The following GALNT13 variants were observed in gnomAD, a reference collection of about 807,000 sequenced individuals.
The protein encoded by GALNT13 is polypeptide N-acetylgalactosaminyltransferase 13, also known as UDP-GalNAc:polypeptide N-acetylgalactosaminyltransferase 13.
Under a neutral mutation model 64.2 loss-of-function variants are expected in GALNT13, and 28 were observed. That is an observed-to-expected ratio of 0.44 (90% CI 0.32 to 0.60). GALNT13 has a LOEUF of 0.60. Among genes scored for constraint, GALNT13 ranks in the 20% least tolerant of loss-of-function variants. The pLI is 0.05. For missense variants in GALNT13, 577 were observed against 669.8 expected (o/e 0.86, Z 1.53); for synonymous variants, 214 against 224.6 (o/e 0.95, Z 0.42).
At chr2:153,162,553 CT>C in the GALNT13 span, among the ~76,000 whole-genome samples, 2 of 152,154 alleles carry the variant, frequency 1.3e-5, no homozygotes, top group Non-Finnish European at 1.5e-5. Flanking sequence ...GTCAGCCCCC[CT>C]GGGAAGAGTC....
intron 1 of GALNT13, among the ~76,000 whole-genome samples, chr2:153,897,045 G>A (rs1017578463): frequency 6.6e-6 from 1 of 152,078 alleles, no homozygotes; most frequent in East Asian, 1.9e-4. Flanking sequence ...GCATGCACAC[G>A]TGTAGACACA....
the GALNT13 span, among the ~76,000 whole-genome samples, chr2:153,166,753 A>T: frequency 6.6e-6 from 1 of 151,690 alleles, no homozygotes; most frequent in African/African-American, 2.4e-5. Flanking sequence ...TGGGCTGGGC[A>T]CTGTGGCCTT....
chr2:154,033,615 A>G (rs1698477944), intron 3 of GALNT13, among the ~76,000 whole-genome samples: 1 of 152,174 alleles, frequency 6.6e-6, no homozygotes, highest in Non-Finnish European at 1.5e-5. Context: ...AAAATGAGAT[A>G]CCACTACACA....
chr2:153,156,820 T>C, the GALNT13 span, among the ~76,000 whole-genome samples: 1 of 152,178 alleles, frequency 6.6e-6, no homozygotes, highest in Non-Finnish European at 1.5e-5. Flanking sequence ...TCTTTCTCAT[T>C]GCATGGAGGT....
At chr2:153,452,834 A>G in the GALNT13 span, among the ~76,000 whole-genome samples, 5 of 152,324 alleles carry the variant, frequency 3.3e-5, no homozygotes, top group East Asian at 3.9e-4. Flanking sequence ...CTAAGCAAAA[A>G]CAACAAAGCT....
intron 11 of GALNT13, chr2:154,437,024 T>TG (rs1701010432): frequency 6.6e-6 from 1 of 152,146 alleles, no homozygotes; most frequent in Admixed American, 6.6e-5. Context: ...TCCCAAGTAG[T>TG]GGGGACAACA....
chr2:153,933,303 G>A (rs1690663490), intron 2 of GALNT13, among the ~76,000 whole-genome samples: 1 of 152,042 alleles, frequency 6.6e-6, no homozygotes, highest in Admixed American at 6.6e-5. Flanking sequence ...CCCAGTGTTG[G>A]TTGCAAATAT....
At chr2:153,528,381 CAA>C in the GALNT13 span, among the ~76,000 whole-genome samples, 5 of 151,846 alleles carry the variant, frequency 3.3e-5, no homozygotes, top group African/African-American at 1.2e-4. Context: ...GAGGATATAA[CAA>C]ATTTTAGTAT....
rs116272195 is a variant in GALNT13 at position 154,282,513 on chromosome 2, T to C, written c.976-18896T>C. ...TAAAAAGACTAATCTAAATCATAAA[T>C]ATATGGCCAAAAACACAAAGCCATC... On this transcript the variant is annotated intron_variant, in intron 8 of 12. Coordinates refer to ENST00000392825, the MANE Select transcript of GALNT13 (RefSeq NM_052917.4). Among the ~76,000 whole-genome samples, 1,005 of 152,228 alleles carry C rather than the reference T, an allele frequency of 6.6e-3. 11 individuals are homozygous for C. Among genetic ancestry groups the C allele is most frequent in the African/African-American group, 0.023 (963 of 41,548 alleles).
At chr2:154,211,651 A>AAAAAAAG (rs1687777905) in intron 4 of GALNT13, among the ~76,000 whole-genome samples, 2 of 147,800 alleles carry the variant, frequency 1.4e-5, no homozygotes, top group African/African-American at 5.1e-5. Context: ...AAAAAAAAAA[A>AAAAAAAG]AAAAGAAAAG....
the GALNT13 span, among the ~76,000 whole-genome samples, chr2:153,394,370 C>T: frequency 6.6e-6 from 1 of 152,082 alleles, no homozygotes; most frequent in Non-Finnish European, 1.5e-5. Flanking sequence ...TGCTTAATAC[C>T]ATTTTAAACC....
In GALNT13 at chr2:154,306,268, G is replaced by A. The variant is rs148702585; in HGVS notation, c.1156+4679G>A. On this transcript the variant is annotated intron_variant, in intron 9 of 12. Transcript: ENST00000392825. The stretch of plus-strand genomic sequence containing the variant: ...CTGCACCCATTAACCCGTCATCTAC[G>A]TTAGGCATTTCTCCTAATGCTATCC... Among the ~76,000 whole-genome samples the A allele has an allele frequency of 2.0e-4, 30 of 151,992 alleles. 2 individuals are homozygous for A. In the East Asian group the frequency reaches 4.8e-3, roughly 25 times the overall value.
chr2:153,900,159 A>G (rs1004335736), intron 1 of GALNT13, among the ~76,000 whole-genome samples: 1 of 151,704 alleles, frequency 6.6e-6, no homozygotes, highest in African/African-American at 2.4e-5. Flanking sequence ...TGATATTTTC[A>G]TTAGGTTGTA....
At chr2:153,431,943 AG>A in the GALNT13 span, among the ~76,000 whole-genome samples, 1 of 152,204 alleles carries the variant, frequency 6.6e-6, no homozygotes, top group Non-Finnish European at 1.5e-5. Flanking sequence ...CAGCTGTAAT[AG>A]CTCCTAGGAA....
chr2:153,745,603 T>G, the GALNT13 span, among the ~76,000 whole-genome samples: 1 of 152,210 alleles, frequency 6.6e-6, no homozygotes, highest in Non-Finnish European at 1.5e-5. Flanking sequence ...CCTGAAATTC[T>G]AGTTTTGGAT....
At chr2:153,318,072 CAT>C in the GALNT13 span, among the ~76,000 whole-genome samples, 3 of 148,718 alleles carry the variant, frequency 2.0e-5, no homozygotes, top group Non-Finnish European at 4.4e-5. Context: ...TAAAAGAAAA[CAT>C]GTGCTAATAT....
At chr2:154,363,996 C>T (rs768765848) in intron 9 of GALNT13, among the ~76,000 whole-genome samples, 2 of 152,042 alleles carry the variant, frequency 1.3e-5, no homozygotes, top group Non-Finnish European at 2.9e-5. Flanking sequence ...ATTAAAAATC[C>T]ATCATCCTTG....
At chr2:153,537,373 G>A in the GALNT13 span, among the ~76,000 whole-genome samples, 2 of 152,206 alleles carry the variant, frequency 1.3e-5, no homozygotes, top group Admixed American at 1.3e-4. Context: ...TAAGGTTGTA[G>A]CTGTCAGAAA....
intron 3 of GALNT13, among the ~76,000 whole-genome samples, chr2:154,128,118 T>C (rs1254621592): frequency 6.6e-6 from 1 of 152,066 alleles, no homozygotes; most frequent in Non-Finnish European, 1.5e-5. Context: ...ATGTTCTATA[T>C]AGGTCTGATG....
Sources: gnomAD v4.1 joint callset for allele counts (sites outside exome capture counted in the v4.1 genomes callset) on GRCh38, gnomAD v4.1.1 for gene constraint, MANE v1.5 for transcripts, NCBI Gene and HGNC (gene_info 2026-07-23, HGNC 2026-07-21) for gene names.